RAPGEF2: variants seen among roughly 807,000 people sequenced by gnomAD.
The protein encoded by RAPGEF2 is Rap guanine nucleotide exchange factor 2, also known as PDZ domain containing guanine nucleotide exchange factor (GEF) 1.
Under a neutral mutation model 186.7 loss-of-function variants are expected in RAPGEF2, and 54 were observed. The ratio of observed to expected loss-of-function variants is 0.29; its 90% CI spans 0.23 to 0.36. The LOEUF is 0.36. Among genes scored for constraint, RAPGEF2 ranks in the 10% least tolerant of loss-of-function variants. The pLI is 1.00. For synonymous variants in RAPGEF2, 712 were observed against 705.9 expected, an observed-to-expected ratio of 1.01 and a Z score of -0.14; for missense variants, 1,532 against 2,045.0, an observed-to-expected ratio of 0.75 and a Z score of 4.84.
intron 4 of RAPGEF2, among the ~76,000 whole-genome samples, chr4:159,217,951 A>G (rs1204596910): frequency 1.3e-5 from 2 of 152,214 alleles, no homozygotes; most frequent in African/African-American, 4.8e-5. Flanking sequence ...CTTGTATGTG[A>G]AGACAAATTT....
intron 10 of RAPGEF2, among the ~76,000 whole-genome samples, chr4:159,322,726 T>C (rs959148095): frequency 6.6e-6 from 1 of 152,152 alleles, no homozygotes; most frequent in Non-Finnish European, 1.5e-5. Flanking sequence ...TCCACGTGGC[T>C]GGGGAGGCCT....
At chr4:159,331,385 T>A (rs1237187576) in intron 13 of RAPGEF2, 46 bp from the exon 14 acceptor site, 1 of 1,178,202 alleles carries the variant, frequency 8.5e-7, no homozygotes, top group African/African-American at 1.5e-5. Context: ...TTAATCACAT[T>A]TTTGGCACTA....
chr4:159,164,596 C>T (rs74803375), intron 1 of RAPGEF2, among the ~76,000 whole-genome samples: 4 of 152,026 alleles, frequency 2.6e-5, no homozygotes, highest in Admixed American at 6.6e-5. Context: ...ATAGAATATT[C>T]AGCACAGTGT....
intron 7 of RAPGEF2, among the ~76,000 whole-genome samples, chr4:159,299,430 TAA>T (rs56009800): frequency 2.2e-4 from 31 of 140,576 alleles, no homozygotes; most frequent in East Asian, 2.1e-4. Context: ...TCTTTTACAT[TAA>T]AAAAAAAAAA....
chr4:159,117,224 CTTCA>C lies in RAPGEF2; in HGVS notation c.69+12999_69+13002del, dbSNP rs57791231. On this transcript the variant is annotated intron_variant, in intron 1 of 29. Transcript: ENST00000691494. ...TTGATAGCATTTCAATGTTTCTAAT[CTTCA>C]TTCATATCTGATCCCCATCCTGTTT... 4.3e-3 allele frequency among the ~76,000 whole-genome samples: 655 copies of C among 152,252 alleles called. 6 individuals are homozygous for C. The highest frequency in any genetic ancestry group is 0.015 in the African/African-American group (610 of 41,544).
chr4:159,200,111 T>G (rs1749247503), intron 3 of RAPGEF2, among the ~76,000 whole-genome samples: 1 of 152,158 alleles, frequency 6.6e-6, no homozygotes, highest in African/African-American at 2.4e-5. Flanking sequence ...TTATCATTTA[T>G]TGAATAGCTT....
At chr4:159,198,003 C>T (rs1748846535) in intron 3 of RAPGEF2, among the ~76,000 whole-genome samples, 4 of 152,154 alleles carry the variant, frequency 2.6e-5, no homozygotes, top group African/African-American at 7.2e-5. Flanking sequence ...TGACCCTAAG[C>T]GTGCCACGAT....
At chr4:159,227,937 A>G (rs2111425067) in intron 4 of RAPGEF2, among the ~76,000 whole-genome samples, 1 of 152,314 alleles carries the variant, frequency 6.6e-6, no homozygotes, top group African/African-American at 2.4e-5. Flanking sequence ...GTAAATTTTA[A>G]TAACAAAATT....
intron 7 of RAPGEF2, among the ~76,000 whole-genome samples, chr4:159,254,627 GAGAC>G (rs888481814): frequency 8.9e-6 from 1 of 112,316 alleles, no homozygotes; most frequent in African/African-American, 3.6e-5. Flanking sequence ...TTTTTTAAAT[GAGAC>G]AGAGTCTTGC....
At chr4:159,230,540 T>G (rs1421581527) in intron 4 of RAPGEF2, among the ~76,000 whole-genome samples, 1 of 152,188 alleles carries the variant, frequency 6.6e-6, no homozygotes, top group Non-Finnish European at 1.5e-5. Context: ...AGTGGTATTA[T>G]GAGTGCCATT....
At chr4:159,275,899 G>T (rs1216812164) in intron 7 of RAPGEF2, among the ~76,000 whole-genome samples, 1 of 152,036 alleles carries the variant, frequency 6.6e-6, no homozygotes, top group East Asian at 1.9e-4. Context: ...ACTCTGTGAA[G>T]TATTTTTATT....
At position 159,287,456 on chromosome 4, in the gene RAPGEF2, AC is replaced by A. The variant is rs568821366; in HGVS notation, c.544-16885del. Among the ~76,000 whole-genome samples the A allele has an allele frequency of 8.6e-3, 1,307 of 152,248 alleles. 23 individuals carry two copies. Among genetic ancestry groups the A allele is most frequent in the African/African-American group, 0.03 (1,246 of 41,566 alleles). On this transcript the variant is annotated intron_variant, in intron 7 of 29. Transcript: ENST00000691494. Reference sequence around the variant, plus strand: ...TAATATGGATTATTTTGAAGATCAAACTGTCTTTGAAGGCCTTCAGTGTAAT... The same window carrying A: ...TAATATGGATTATTTTGAAGATCAAATGTCTTTGAAGGCCTTCAGTGTAAT...
intron 29 of RAPGEF2, among the ~76,000 whole-genome samples, chr4:159,357,724 A>G (rs1732235292): frequency 6.6e-6 from 1 of 152,206 alleles, no homozygotes; most frequent in African/African-American, 2.4e-5. Context: ...AATGAAAATT[A>G]CTTAAAATCC....
chr4:159,215,041 T>G (rs1750870710), intron 4 of RAPGEF2, among the ~76,000 whole-genome samples: 1 of 152,190 alleles, frequency 6.6e-6, no homozygotes. Context: ...TTTTGTAGTT[T>G]TAGTGGAGAT....
chr4:159,319,820 A>G (rs1053493823), intron 9 of RAPGEF2, among the ~76,000 whole-genome samples: 2 of 151,864 alleles, frequency 1.3e-5, no homozygotes, highest in Non-Finnish European at 2.9e-5. Flanking sequence ...TAAACTCATG[A>G]CCCACTAATA....
chr4:159,216,565 A>G (rs1165298200), intron 4 of RAPGEF2, among the ~76,000 whole-genome samples: 1 of 152,014 alleles, frequency 6.6e-6, no homozygotes, highest in Non-Finnish European at 1.5e-5. Context: ...AAAGAATGAG[A>G]TCAATTTATC....
intron 1 of RAPGEF2, among the ~76,000 whole-genome samples, chr4:159,153,445 G>C (rs1214527416): frequency 6.6e-6 from 1 of 152,158 alleles, no homozygotes; most frequent in African/African-American, 2.4e-5. Context: ...CTGTGGAAAA[G>C]AAAAATGAGA....
At chr4:159,210,229 TAAAA>T (rs1364657575) in intron 3 of RAPGEF2, among the ~76,000 whole-genome samples, 1 of 152,134 alleles carries the variant, frequency 6.6e-6, no homozygotes, top group Non-Finnish European at 1.5e-5. Flanking sequence ...TCAAAAAAAG[TAAAA>T]AAACTTAGAA....
intron 4 of RAPGEF2, among the ~76,000 whole-genome samples, chr4:159,214,348 ATAT>A (rs1380642231): frequency 6.6e-6 from 1 of 152,214 alleles, no homozygotes; most frequent in African/African-American, 2.4e-5. Flanking sequence ...TTCCTACATA[ATAT>A]TTTCAAAGGC....
Sources: allele counts gnomAD v4.1 joint callset (sites outside exome capture counted in the v4.1 genomes callset), GRCh38; gene constraint gnomAD v4.1.1; transcripts MANE v1.5; gene names NCBI Gene and HGNC (gene_info 2026-07-23, HGNC 2026-07-21).